Variants in EMSY observed in about 807,000 individuals in gnomAD.
EMSY encodes the protein EMSY transcriptional repressor, BRCA2 interacting.
Under a neutral mutation model 134.6 loss-of-function variants are expected in EMSY, and 26 were observed. The ratio of observed to expected loss-of-function variants is 0.19; its 90% confidence interval spans 0.14 to 0.27. The LOEUF (loss-of-function observed/expected upper bound fraction) is 0.27. Among genes scored for constraint, EMSY ranks in the 10% least tolerant of loss-of-function variants. EMSY has a pLI of 1.00. For synonymous variants in EMSY, 579 were observed against 577.8 expected (o/e 1.00, Z -0.03); for missense variants, 1,305 against 1,611.4 (o/e 0.81, Z 3.26).
At chr11:76,450,057 CT>C (rs11334942) in intron 2 of EMSY, among the ~76,000 whole-genome samples, 124,522 of 131,022 alleles carry the variant, frequency 0.95, 59,193 homozygotes, top group Non-Finnish European at 0.97. Context: ...TGTACATTTG[CT>C]TTTTTTTTTT....
intron 8 of EMSY, among the ~76,000 whole-genome samples, chr11:76,476,349 G>A (rs2135422021): frequency 6.6e-6 from 1 of 152,158 alleles, no homozygotes; most frequent in South Asian, 2.1e-4. Context: ...TCTTTGCCTA[G>A]ATCTATTATT....
At chr11:76,533,913 G>A (rs1444807943) in intron 14 of EMSY, among the ~76,000 whole-genome samples, 2 of 152,150 alleles carry the variant, frequency 1.3e-5, no homozygotes, top group South Asian at 4.1e-4. Flanking sequence ...TAAGCCAAAA[G>A]TAGGAGAGAG....
At chr11:76,514,725 G>A (rs1950388240) in intron 10 of EMSY, among the ~76,000 whole-genome samples, 1 of 152,066 alleles carries the variant, frequency 6.6e-6, no homozygotes. Flanking sequence ...CTGAAACTCT[G>A]TGTTCATTCA....
intron 8 of EMSY, among the ~76,000 whole-genome samples, chr11:76,475,915 A>G (rs527973375): frequency 5.4e-4 from 82 of 152,342 alleles, no homozygotes; most frequent in African/African-American, 1.9e-3. Context: ...GTAACTTGGT[A>G]AATGACTCCA....
chr11:76,461,923 T>G (rs998511958), intron 6 of EMSY, among the ~76,000 whole-genome samples: 1 of 149,170 alleles, frequency 6.7e-6, no homozygotes, highest in African/African-American at 2.5e-5. Flanking sequence ...AGAGTGAGCC[T>G]CCATCTTAAA....
chr11:76,465,049 G>A (rs1462503305), intron 7 of EMSY, among the ~76,000 whole-genome samples: 1 of 152,132 alleles, frequency 6.6e-6, no homozygotes, highest in Non-Finnish European at 1.5e-5. Context: ...GTTCCTTGGT[G>A]TGGGTCTTTA....
chr11:76,446,327 ATATATATGTATATATATATGTG>A (rs1397768981), intron 1 of EMSY, among the ~76,000 whole-genome samples: 20 of 59,174 alleles, frequency 3.4e-4, no homozygotes, highest in African/African-American at 1.4e-3. Flanking sequence ...GTGTGTGTAT[ATATATATGTATATATATATGTG>A]TATATATATA....
intron 14 of EMSY, among the ~76,000 whole-genome samples, chr11:76,534,005 C>T (rs1237242076): frequency 6.6e-6 from 1 of 152,176 alleles, no homozygotes; most frequent in Admixed American, 6.5e-5. Context: ...TTATGATGGT[C>T]AGCTGCTCTT....
At chr11:76,503,323 A>AAAAT (rs1555060666) in intron 9 of EMSY, among the ~76,000 whole-genome samples, 1 of 143,116 alleles carries the variant, frequency 7.0e-6, no homozygotes, top group African/African-American at 2.7e-5. Context: ...AAAAAAAAAA[A>AAAAT]GAAGAAGAAG....
At chr11:76,523,400 T>G in intron 12 of EMSY, 109 bp downstream of exon 13, 1 of 1,268,912 alleles carries the variant, frequency 7.9e-7, no homozygotes, top group Non-Finnish European at 1.1e-6. Flanking sequence ...CAGAATGGCT[T>G]GGTTTACCAC....
At chr11:76,454,943 C>T (rs1480993981) in intron 4 of EMSY, among the ~76,000 whole-genome samples, 153 bp downstream of exon 5, 2 of 152,076 alleles carry the variant, frequency 1.3e-5, no homozygotes. Context: ...TAATACTGCC[C>T]ACCCTTTAGC....
intron 1 of EMSY, among the ~76,000 whole-genome samples, 197 bp downstream of exon 1, chr11:76,445,325 C>T (rs1947332518): frequency 1.3e-5 from 2 of 152,076 alleles, no homozygotes; most frequent in African/African-American, 2.4e-5. Flanking sequence ...GGGGGTTTAG[C>T]TCTGGGAGAC....
At chr11:76,505,106 A>G (rs928123223) in intron 9 of EMSY, among the ~76,000 whole-genome samples, 1 of 152,216 alleles carries the variant, frequency 6.6e-6, no homozygotes, top group East Asian at 1.9e-4. Flanking sequence ...CATATCTGTG[A>G]ATATATTAAA....
intron 7 of EMSY, among the ~76,000 whole-genome samples, chr11:76,467,547 A>T (rs1948401331): frequency 6.6e-6 from 1 of 152,196 alleles, no homozygotes; most frequent in African/African-American, 2.4e-5. Flanking sequence ...TTATTCTTCA[A>T]TGTATTCCCT....
intron 8 of EMSY, among the ~76,000 whole-genome samples, chr11:76,474,634 A>G (rs557834335): frequency 1.3e-5 from 2 of 152,196 alleles, no homozygotes; most frequent in South Asian, 4.1e-4. Flanking sequence ...TCTGATACCC[A>G]TTTAATGTCT....
At chr11:76,517,885 A>G (rs924007972) in intron 11 of EMSY, among the ~76,000 whole-genome samples, 1 of 152,194 alleles carries the variant, frequency 6.6e-6, no homozygotes, top group South Asian at 2.1e-4. Context: ...TTATGTCTCT[A>G]TCTCTGCTTC....
intron 5 of EMSY, chr11:76,458,646 T>C (rs1050665786): frequency 1.8e-5 from 4 of 220,670 alleles, no homozygotes; most frequent in Non-Finnish European, 3.6e-5. Context: ...TAGAAGGCCT[T>C]AATGGATGAC....
chr11:76,451,782 C>T, intron 2 of EMSY, 76 bp from the exon 3 acceptor site: 1 of 837,226 alleles, frequency 1.2e-6, no homozygotes, highest in South Asian at 3.2e-5. Flanking sequence ...TTTTTTTGCC[C>T]TGAAGTTTCA....
chr11:76,454,859 A>G, intron 4 of EMSY, 69 bp downstream of exon 5: 1 of 1,108,886 alleles, frequency 9.0e-7, no homozygotes, highest in Non-Finnish European at 1.3e-6. Flanking sequence ...GCTCTCAATT[A>G]TTCAGGGGCA....
Sources: gnomAD v4.1 joint callset for allele counts (sites outside exome capture counted in the v4.1 genomes callset) on GRCh38, gnomAD v4.1.1 for gene constraint, MANE v1.5 for transcripts, NCBI Gene and HGNC (gene_info 2026-07-23, HGNC 2026-07-21) for gene names.